KHDRBS2: variants seen among roughly 807,000 people sequenced by gnomAD.
The protein encoded by KHDRBS2 is KH RNA binding domain containing, signal transduction associated 2, also known as KH domain-containing, RNA-binding, signal transduction-associated protein 2.
Under a neutral mutation model 44.3 loss-of-function variants are expected in KHDRBS2, and 26 were observed. The ratio of observed to expected loss-of-function variants is 0.59; its 90% CI spans 0.43 to 0.81. The LOEUF is 0.81. Ranked by LOEUF, KHDRBS2 falls within the 40% of genes least tolerant of loss-of-function variation. KHDRBS2 has a pLI of 0.00. For missense variants in KHDRBS2, 476 were observed against 433.1 expected, an observed-to-expected ratio of 1.10 and a Z score of -0.88; for synonymous variants, 194 against 151.1, an observed-to-expected ratio of 1.28 and a Z score of -2.08.
chr6:62,147,815 C>G (rs1345199063), intron 2 of KHDRBS2, among the ~76,000 whole-genome samples: 1 of 151,930 alleles, frequency 6.6e-6, no homozygotes, highest in Non-Finnish European at 1.5e-5. Flanking sequence ...TTGCTCTTCT[C>G]TATACCTGGC....
intron 4 of KHDRBS2, among the ~76,000 whole-genome samples, chr6:61,938,868 T>C (rs1811551667): frequency 6.6e-6 from 1 of 152,310 alleles, no homozygotes; most frequent in South Asian, 2.1e-4. Context: ...AGTGCAAATA[T>C]AAAGATGTTG....
At chr6:61,931,748 A>AT (rs57053173) in intron 4 of KHDRBS2, among the ~76,000 whole-genome samples, 14 of 151,294 alleles carry the variant, frequency 9.3e-5, no homozygotes, top group Non-Finnish European at 1.5e-4. Context: ...TTATATGCAG[A>AT]TTTTTTTTTA....
chr6:62,100,120 C>G (rs1175329561), intron 2 of KHDRBS2, among the ~76,000 whole-genome samples: 3 of 152,086 alleles, frequency 2.0e-5, no homozygotes, highest in Non-Finnish European at 4.4e-5. Flanking sequence ...AGAGTTGATT[C>G]TAACCATCAT....
At chr6:61,868,061 C>G (rs1208411749) in intron 6 of KHDRBS2, among the ~76,000 whole-genome samples, 2 of 152,084 alleles carry the variant, frequency 1.3e-5, no homozygotes, top group African/African-American at 4.8e-5. Context: ...AGCTGAGATG[C>G]CCAAACAGCA....
Position 61,775,669 on chromosome 6 carries a change from C to T in KHDRBS2, c.811-42905G>A, listed in dbSNP as rs181643445. ...GATACAAACAAATGGAAGAACATTC[C>T]ATGCTCATGGGTAGGAAGAATCAAT... On this transcript the variant is annotated intron_variant, in intron 6 of 8. Coordinates refer to ENST00000281156, the MANE Select transcript of KHDRBS2 (RefSeq NM_152688.4). Among the ~76,000 whole-genome samples, 17 of 152,316 alleles carry T rather than the reference C, an allele frequency of 1.1e-4. 1 individual carries two copies. In the East Asian group the frequency reaches 2.7e-3, roughly 24 times the overall value.
At chr6:62,104,561 C>T (rs1199869795) in intron 2 of KHDRBS2, among the ~76,000 whole-genome samples, 1 of 151,416 alleles carries the variant, frequency 6.6e-6, no homozygotes, top group Admixed American at 6.6e-5. Context: ...TGAGTAAAAA[C>T]ATAATCAAAA....
intron 4 of KHDRBS2, among the ~76,000 whole-genome samples, chr6:61,949,188 C>T (rs971635956): frequency 2.3e-4 from 35 of 152,158 alleles, no homozygotes; most frequent in Admixed American, 2.2e-3. Flanking sequence ...AATAATTAAC[C>T]TCTTTTGACT....
At chr6:62,252,378 A>C (rs1836693070) in intron 1 of KHDRBS2, among the ~76,000 whole-genome samples, 1 of 151,914 alleles carries the variant, frequency 6.6e-6, no homozygotes, top group Non-Finnish European at 1.5e-5. Context: ...TTTCCTGACT[A>C]TTTCAGACTC....
rs570589594 is a variant in KHDRBS2, at chr6:62,140,595, T to C, written c.219+36590A>G. ...TCTGAAATGTACATATAATTGTCTATGCTTGTATGATACACATATTACCAT... is the reference window on the plus strand; with the variant it reads ...TCTGAAATGTACATATAATTGTCTACGCTTGTATGATACACATATTACCAT... On this transcript the variant is annotated intron_variant, in intron 2 of 8. Transcript: ENST00000281156. Among the ~76,000 whole-genome samples the C allele has an allele frequency of 9.2e-5, 14 of 152,338 alleles. No individual in the cohort carries two copies. The South Asian group carries it at 2.3e-3, about 25-fold the overall frequency.
the KHDRBS2 span, among the ~76,000 whole-genome samples, chr6:61,572,080 CCAAA>C: frequency 4.6e-5 from 7 of 151,846 alleles, no homozygotes; most frequent in East Asian, 7.7e-4. Context: ...GAAATATTAA[CCAAA>C]CAAAGAAGAG....
intron 3 of KHDRBS2, among the ~76,000 whole-genome samples, chr6:62,016,855 G>C (rs1781305659): frequency 6.6e-6 from 1 of 151,428 alleles, no homozygotes; most frequent in Non-Finnish European, 1.5e-5. Context: ...TCAAAGGTAG[G>C]GTGTCCCATC....
chr6:61,746,269 G>A (rs575170494), intron 6 of KHDRBS2, among the ~76,000 whole-genome samples: 6 of 152,042 alleles, frequency 3.9e-5, no homozygotes, highest in South Asian at 2.1e-4. Context: ...TTTAAGCCTC[G>A]CATGCATTAA....
intron 1 of KHDRBS2, among the ~76,000 whole-genome samples, chr6:62,226,792 A>G (rs937165839): frequency 5.9e-5 from 9 of 152,094 alleles, no homozygotes; most frequent in Non-Finnish European, 1.0e-4. Context: ...TCCCTTCCCC[A>G]TTACTTGTTT....
intron 2 of KHDRBS2, among the ~76,000 whole-genome samples, chr6:62,133,770 G>A (rs1810881430): frequency 6.6e-6 from 1 of 152,184 alleles, no homozygotes; most frequent in Non-Finnish European, 1.5e-5. Flanking sequence ...AGGGAGATGA[G>A]AAACTTGTTT....
chr6:62,184,089 T>C (rs1266300135), intron 1 of KHDRBS2, among the ~76,000 whole-genome samples: 1 of 151,726 alleles, frequency 6.6e-6, no homozygotes, highest in Non-Finnish European at 1.5e-5. Context: ...TAATTAGTGT[T>C]AATAGAATAG....
the KHDRBS2 span, among the ~76,000 whole-genome samples, chr6:61,611,380 T>C: frequency 2.6e-5 from 4 of 152,158 alleles, no homozygotes; most frequent in Non-Finnish European, 5.9e-5. Flanking sequence ...TATGGAGCCA[T>C]TTGCAAAGAA....
intron 4 of KHDRBS2, among the ~76,000 whole-genome samples, chr6:61,930,400 A>G (rs1399610557): frequency 6.6e-6 from 1 of 151,960 alleles, no homozygotes. Context: ...AGAAAGAACT[A>G]GTTCTCATAA....
chr6:61,673,322 G>T, the KHDRBS2 span, among the ~76,000 whole-genome samples: 1 of 151,926 alleles, frequency 6.6e-6, no homozygotes, highest in East Asian at 1.9e-4. Context: ...ATATCATACT[G>T]AATGGACAAA....
chr6:62,124,190 T>C (rs1163862326), intron 2 of KHDRBS2, among the ~76,000 whole-genome samples: 1 of 152,224 alleles, frequency 6.6e-6, no homozygotes, highest in Non-Finnish European at 1.5e-5. Context: ...AGTGACCTTG[T>C]TCATCTCCTT....
Sources: gnomAD v4.1 joint callset for allele counts (sites outside exome capture counted in the v4.1 genomes callset) on GRCh38, gnomAD v4.1.1 for gene constraint, MANE v1.5 for transcripts, NCBI Gene and HGNC (gene_info 2026-07-23, HGNC 2026-07-21) for gene names.